The following GABBR2 variants were observed in gnomAD, a reference collection of about 807,000 sequenced individuals.
GABBR2 encodes the protein gamma-aminobutyric acid type B receptor subunit 2, also known as G-protein coupled receptor 51.
A neutral mutation model predicts 105.6 loss-of-function variants in GABBR2; 23 were observed. The ratio of observed to expected loss-of-function variants is 0.22; its 90% CI spans 0.16 to 0.31. The LOEUF (loss-of-function observed/expected upper bound fraction) is 0.31. GABBR2 is among the 10% of genes least tolerant of loss of function. The pLI is 1.00. For synonymous variants in GABBR2, 478 were observed against 499.7 expected (o/e 0.96, Z 0.58); for missense variants, 734 against 1,245.5 (o/e 0.59, Z 6.18).
chr9:98,654,065 C>T (rs1830145283), intron 1 of GABBR2, among the ~76,000 whole-genome samples: 1 of 152,222 alleles, frequency 6.6e-6, no homozygotes, highest in Admixed American at 6.5e-5. Context: ...ATTCAGTAGT[C>T]TTTCTGTCTT....
chr9:98,310,819 C>G (rs1335165834), intron 14 of GABBR2, among the ~76,000 whole-genome samples: 1 of 152,140 alleles, frequency 6.6e-6, no homozygotes. Flanking sequence ...TTGGGTTACT[C>G]TCTGGTTAAG....
chr9:98,325,422 G>A (rs1830905665), intron 13 of GABBR2, among the ~76,000 whole-genome samples: 1 of 150,174 alleles, frequency 6.7e-6, no homozygotes, highest in Non-Finnish European at 1.5e-5. Flanking sequence ...CTCCTGAGTA[G>A]CTGAGATTAC....
chr9:98,624,398 C>T (rs1241939636), intron 1 of GABBR2, among the ~76,000 whole-genome samples: 1 of 152,166 alleles, frequency 6.6e-6, no homozygotes, highest in South Asian at 2.1e-4. Context: ...ATCTCACCCC[C>T]GTTCCATGAG....
intron 1 of GABBR2, among the ~76,000 whole-genome samples, chr9:98,588,117 C>T (rs1363258054): frequency 6.6e-6 from 1 of 152,182 alleles, no homozygotes; most frequent in African/African-American, 2.4e-5. Context: ...TTTCCACACC[C>T]AGGGTGCTTT....
At chr9:98,657,576 G>A (rs1394085334) in intron 1 of GABBR2, among the ~76,000 whole-genome samples, 3 of 152,334 alleles carry the variant, frequency 2.0e-5, no homozygotes, top group East Asian at 1.9e-4. Context: ...TCAACATTCA[G>A]TTATGAGAAC....
chr9:98,658,497 T>G (rs111694127), intron 1 of GABBR2, among the ~76,000 whole-genome samples: 22 of 152,282 alleles, frequency 1.4e-4, no homozygotes, highest in African/African-American at 5.3e-4. Context: ...CACCTGGACA[T>G]GCCCTATATC....
intron 7 of GABBR2, among the ~76,000 whole-genome samples, chr9:98,434,451 G>C (rs1341451878): frequency 6.6e-6 from 1 of 152,158 alleles, no homozygotes; most frequent in Non-Finnish European, 1.5e-5. Flanking sequence ...TTCAACAACA[G>C]GGTCTCTGAA....
chr9:98,654,588 A>C (rs967568469), intron 1 of GABBR2, among the ~76,000 whole-genome samples: 2 of 152,208 alleles, frequency 1.3e-5, no homozygotes, highest in Non-Finnish European at 2.9e-5. Flanking sequence ...ACATGCAACG[A>C]CAAGAAGATC....
chr9:98,683,297 TTGGTCAGGC>T (rs1303554845), intron 1 of GABBR2, among the ~76,000 whole-genome samples: 4 of 152,302 alleles, frequency 2.6e-5, no homozygotes, highest in Non-Finnish European at 4.4e-5. Context: ...TTTCACCATG[TTGGTCAGGC>T]TGGTCAGGCT....
intron 1 of GABBR2, among the ~76,000 whole-genome samples, chr9:98,638,698 A>G (rs923902417): frequency 6.6e-6 from 1 of 152,204 alleles, no homozygotes; most frequent in African/African-American, 2.4e-5. Context: ...CCAGGCCTCC[A>G]CAAACAAGTT....
chr9:98,535,749 C>T (rs113309044), intron 3 of GABBR2, among the ~76,000 whole-genome samples: 71 of 152,090 alleles, frequency 4.7e-4, no homozygotes, highest in African/African-American at 1.7e-3. Flanking sequence ...AAGTTAAATG[C>T]GTATTAAAGA....
At chr9:98,499,928 C>T (rs1233577205) in intron 3 of GABBR2, among the ~76,000 whole-genome samples, 1 of 152,066 alleles carries the variant, frequency 6.6e-6, no homozygotes, top group Non-Finnish European at 1.5e-5. Flanking sequence ...TGGCACGTGC[C>T]TGTAATCCCA....
At chr9:98,685,732 G>A (rs1223056007) in intron 1 of GABBR2, among the ~76,000 whole-genome samples, 5 of 152,064 alleles carry the variant, frequency 3.3e-5, no homozygotes, top group Non-Finnish European at 7.4e-5. Context: ...TCACTCTGTT[G>A]CCCAGGCTGG....
intron 1 of GABBR2, among the ~76,000 whole-genome samples, chr9:98,664,674 A>T (rs181420209): frequency 4.5e-4 from 68 of 152,302 alleles, no homozygotes; most frequent in African/African-American, 1.5e-3. Flanking sequence ...AATCTCGTTC[A>T]CTGGGTCAGC....
chr9:98,475,363 A>G (rs1295217545), intron 5 of GABBR2, among the ~76,000 whole-genome samples: 1 of 151,688 alleles, frequency 6.6e-6, no homozygotes, highest in Admixed American at 6.6e-5. Context: ...AAAAAAGAAA[A>G]GAAAAGAAAA....
intron 1 of GABBR2, 35 bp downstream of exon 1, chr9:98,708,382 C>A (rs1289535593): frequency 1.5e-6 from 2 of 1,342,042 alleles, no homozygotes; most frequent in Non-Finnish European, 1.9e-6. Context: ...CAATGCCCCC[C>A]GAAGCCCCGA....
chr9:98,679,943 C>T (rs1442157235), intron 1 of GABBR2, among the ~76,000 whole-genome samples: 1 of 152,240 alleles, frequency 6.6e-6, no homozygotes, highest in Non-Finnish European at 1.5e-5. Context: ...CATAAAAATA[C>T]ACAAGTTTAC....
intron 8 of GABBR2, among the ~76,000 whole-genome samples, chr9:98,404,136 T>C (rs955420421): frequency 2.6e-5 from 4 of 152,072 alleles, no homozygotes; most frequent in Admixed American, 6.5e-5. Context: ...TACAAAATAC[T>C]TTCTTAGAAT....
chr9:98,467,649 GTGGAAGGA>G (rs1826588358), intron 6 of GABBR2, among the ~76,000 whole-genome samples: 2 of 152,244 alleles, frequency 1.3e-5, no homozygotes, highest in Admixed American at 6.5e-5. Flanking sequence ...TTGGCTCTAA[GTGGAAGGA>G]TCACTAGATT....
Sources: allele counts gnomAD v4.1 joint callset (sites outside exome capture counted in the v4.1 genomes callset), GRCh38; gene constraint gnomAD v4.1.1; transcripts MANE v1.5; gene names NCBI Gene and HGNC (gene_info 2026-07-23, HGNC 2026-07-21).